The following AP2S1 variants were observed in gnomAD, a reference collection of about 807,000 sequenced individuals.
AP2S1 encodes the protein adaptor related protein complex 2 subunit sigma 1.
A neutral mutation model predicts 21.0 loss-of-function variants in AP2S1; 6 were observed. The observed-to-expected ratio is 0.29, with a 90% CI of 0.16 to 0.56. The LOEUF (loss-of-function observed/expected upper bound fraction) is 0.56, where lower values mean the gene tolerates loss of function less well. Ranked by LOEUF, AP2S1 falls within the 20% of genes least tolerant of loss-of-function variation. The pLI is 0.92. For missense variants in AP2S1, 60 were observed against 186.2 expected, an observed-to-expected ratio of 0.32 and a Z score of 3.95; for synonymous variants, 63 against 74.6, an observed-to-expected ratio of 0.84 and a Z score of 0.80.
intron 2 of AP2S1, among the ~76,000 whole-genome samples, chr19:46,842,273 C>T (rs2055536893): frequency 6.6e-6 from 1 of 152,124 alleles, no homozygotes; most frequent in Admixed American, 6.6e-5. Context: ...CTCCAGGAAG[C>T]CCTCCAGACC....
intron 2 of AP2S1, among the ~76,000 whole-genome samples, chr19:46,841,808 C>T (rs1012818687): frequency 1.3e-5 from 2 of 152,206 alleles, no homozygotes; most frequent in Admixed American, 1.3e-4. Flanking sequence ...TGAGATGGGG[C>T]GATAATCCTG....
In AP2S1 at chr19:46,846,734, C is replaced by T. The variant is rs895433316; in HGVS notation, c.4-592G>A. ...AGGCTGGAGTGCGATGGCGCAATCTCGGCTCACTGCAACCTCCGCCTCCCA... is the reference window on the plus strand; with the variant it reads ...AGGCTGGAGTGCGATGGCGCAATCTTGGCTCACTGCAACCTCCGCCTCCCA... On this transcript the variant is annotated intron_variant, in intron 1 of 4. Transcript: ENST00000263270. 3.1e-4 allele frequency among the ~76,000 whole-genome samples: 47 copies of T among 152,150 alleles called. 1 individual carries two copies. The highest frequency in any genetic ancestry group is 9.7e-4 in the African/African-American group (40 of 41,428).
At chr19:46,849,002 T>A (rs1644331) in intron 1 of AP2S1, among the ~76,000 whole-genome samples, 25 of 140,232 alleles carry the variant, frequency 1.8e-4, no homozygotes, top group Non-Finnish European at 3.3e-4. Context: ...CGAGTCACTG[T>A]GCCCAGCCTT....
At chr19:46,849,833 C>G (rs1277068079) in intron 1 of AP2S1, among the ~76,000 whole-genome samples, 1 of 152,140 alleles carries the variant, frequency 6.6e-6, no homozygotes, top group East Asian at 1.9e-4. Flanking sequence ...AGCTTCCTCC[C>G]TTCTTCAAAA....
intron 1 of AP2S1, 192 bp downstream of exon 1, chr19:46,850,571 TG>T: frequency 1.6e-6 from 1 of 634,126 alleles, no homozygotes; most frequent in Non-Finnish European, 2.7e-6. Flanking sequence ...GCGAGACCCC[TG>T]GTAACCCCCG....
rs1204306657 is a variant in AP2S1 at position 46,838,918 on chromosome 19, GGA to G, written c.268-121_268-120del. 2.7e-4 allele frequency: 225 copies of G among 821,324 alleles called. No individual in the cohort carries two copies. The highest frequency in any genetic ancestry group is 1.1e-3 in the Middle Eastern group (4 of 3,638). 50.9% of individuals were successfully genotyped at this position (821,324 alleles called of 1,614,324 possible). ...AAAAAGAGACCAAGGGGGAGGCAGG[GGA>G]GAGAGAGAGACAGTGACAGGGAGAG... On this transcript the variant is annotated intron_variant, in intron 3 of 4. Transcript: ENST00000263270. The surrounding 1 kb of genome is among the most constrained non-coding windows in gnomAD (Gnocchi z 4.1).
intron 3 of AP2S1, among the ~76,000 whole-genome samples, 153 bp downstream of exon 3, chr19:46,839,312 A>AAAAAAAAAAAG (rs1568444107): frequency 1.4e-5 from 2 of 144,150 alleles, no homozygotes; most frequent in African/African-American, 5.6e-5. Flanking sequence ...AAAAAAAAAA[A>AAAAAAAAAAAG]AAAAAGAAAA....
intron 2 of AP2S1, among the ~76,000 whole-genome samples, chr19:46,842,223 A>T (rs1440697123): frequency 6.6e-6 from 1 of 152,038 alleles, no homozygotes; most frequent in Non-Finnish European, 1.5e-5. Flanking sequence ...CGCATCTTCC[A>T]GTTGCCTACT....
intron 2 of AP2S1, among the ~76,000 whole-genome samples, chr19:46,840,290 G>C (rs2055494142): frequency 6.8e-6 from 1 of 147,792 alleles, no homozygotes; most frequent in Non-Finnish European, 1.5e-5. Flanking sequence ...TGCATACTGG[G>C]TTGCAAAGTA....
In AP2S1 at chr19:46,838,982, A is replaced by AAGCAAAGT. The variant is rs1568443862; in HGVS notation, c.268-184_268-183insACTTTGCT. Among the ~76,000 whole-genome samples the AAGCAAAGT allele has an allele frequency of 2.0e-5, 3 of 151,596 alleles. No homozygotes were observed. Among genetic ancestry groups the AAGCAAAGT allele is most frequent in the African/African-American group, 7.3e-5 (3 of 41,178 alleles). On this transcript the variant is annotated intron_variant, in intron 3 of 4. Coordinates refer to ENST00000263270, the MANE Select transcript of AP2S1 (RefSeq NM_004069.6). This position sits in a 1 kb window ranked among gnomAD's most constrained non-coding sequence, Gnocchi z 4.1. ...CACACAGAGAGAAACAAAAGCAAAG[A>AAGCAAAGT]TCGATGCAAAGAGATGGCAAAAGGT...
intron 2 of AP2S1, among the ~76,000 whole-genome samples, chr19:46,843,923 T>C (rs1164584716): frequency 6.6e-6 from 1 of 152,056 alleles, no homozygotes; most frequent in Non-Finnish European, 1.5e-5. Flanking sequence ...ACCTTTCTTT[T>C]TTTTTTGAGA....
chr19:46,849,345 CT>C (rs1473266299), intron 1 of AP2S1, among the ~76,000 whole-genome samples: 3 of 150,914 alleles, frequency 2.0e-5, no homozygotes, highest in Non-Finnish European at 4.5e-5. Context: ...ACACTCTATC[CT>C]CCCTCCCCCA....
At chr19:46,843,040 C>G (rs1382215476) in intron 2 of AP2S1, among the ~76,000 whole-genome samples, 1 of 152,158 alleles carries the variant, frequency 6.6e-6, no homozygotes, top group Non-Finnish European at 1.5e-5. Context: ...CGGGGCCAGA[C>G]CCCCAACACT....
intron 1 of AP2S1, among the ~76,000 whole-genome samples, chr19:46,846,555 T>C (rs1264904914): frequency 6.7e-6 from 1 of 149,386 alleles, no homozygotes; most frequent in Non-Finnish European, 1.5e-5. Flanking sequence ...GGATCACAGG[T>C]GTGAGCCACT....
chr19:46,838,828 G>A lies in AP2S1; in HGVS notation c.268-29C>T. 1.9e-6 allele frequency: 3 copies of A among 1,604,434 alleles called. No homozygotes were observed. Among genetic ancestry groups the A allele is most frequent in the Non-Finnish European group, 2.6e-6 (3 of 1,171,748 alleles). On this transcript the variant is annotated intron_variant, in intron 3 of 4. Transcript: ENST00000263270. This position sits in a 1 kb window ranked among gnomAD's most constrained non-coding sequence, Gnocchi z 4.1. ...GGAGAGGAAGGCAGAGATGGTAAGAGATGGGCAGGGAGAGAGCCACACACG... is the reference window on the plus strand; with the variant it reads ...GGAGAGGAAGGCAGAGATGGTAAGAAATGGGCAGGGAGAGAGCCACACACG...
chr19:46,842,908 C>G (rs1430727389), intron 2 of AP2S1, among the ~76,000 whole-genome samples: 3 of 152,170 alleles, frequency 2.0e-5, no homozygotes, highest in Admixed American at 6.5e-5. Flanking sequence ...CCCCGGTGAG[C>G]TCCTTGGCCT....
At position 46,838,319 on chromosome 19, in the gene AP2S1, A is replaced by G; in HGVS notation, c.*128T>C. ...GGTGCAGTCTCCTCCCTTGTGGCCC[A>G]GACCCAGCTGGGTCCCTTCCTCCTA... On this transcript the variant is annotated 3_prime_UTR_variant, in exon 5 of 5. Coordinates refer to ENST00000263270, the MANE Select transcript of AP2S1 (RefSeq NM_004069.6). This position sits in a 1 kb window ranked among gnomAD's most constrained non-coding sequence, Gnocchi z 4.1. The G allele has an allele frequency of 1.2e-6, 1 of 851,542 alleles. No individual in the cohort carries two copies. 52.7% of individuals were successfully genotyped at this position (851,542 alleles called of 1,614,324 possible).
intron 2 of AP2S1, among the ~76,000 whole-genome samples, chr19:46,844,425 T>C (rs1367978938): frequency 6.6e-6 from 1 of 152,186 alleles, no homozygotes; most frequent in Non-Finnish European, 1.5e-5. Flanking sequence ...AGACATTGGC[T>C]CCTTCCTCCC....
At chr19:46,839,286 CAAAAAAAAAAAAAAAAAAAAAAAA>C (rs771792607) in intron 3 of AP2S1, among the ~76,000 whole-genome samples, 155 bp downstream of exon 3, 7 of 72,924 alleles carry the variant, frequency 9.6e-5, no homozygotes, top group African/African-American at 3.0e-4. Context: ...GACTCCGTCT[CAAAAAAAAAAAAAAAAAAAAAAAA>C]AAAAAAAGAA....
Sources: allele counts gnomAD v4.1 joint callset (sites outside exome capture counted in the v4.1 genomes callset), GRCh38; gene constraint gnomAD v4.1.1; non-coding constraint Gnocchi (gnomAD v3.1); transcripts MANE v1.5; gene names NCBI Gene and HGNC (gene_info 2026-07-23, HGNC 2026-07-21).